GTF2A1: variants seen among roughly 807,000 people sequenced by gnomAD.
GTF2A1 encodes the protein transcription initiation factor IIA subunit 1.
A neutral mutation model predicts 54.1 loss-of-function variants in GTF2A1; 12 were observed. The observed-to-expected ratio is 0.22, with a 90% CI of 0.14 to 0.36. GTF2A1 has a LOEUF of 0.36. Among genes scored for constraint, GTF2A1 ranks in the 10% least tolerant of loss-of-function variants. GTF2A1 has a pLI of 1.00. For missense variants in GTF2A1, 335 were observed against 442.2 expected, an observed-to-expected ratio of 0.76 and a Z score of 2.17; for synonymous variants, 145 against 152.0, an observed-to-expected ratio of 0.95 and a Z score of 0.34.
In GTF2A1 at chr14:81,192,483, A is replaced by C. The variant is rs759553505; in HGVS notation, c.933+36T>G. 11 of 1,470,328 alleles carry C rather than the reference A, an allele frequency of 7.5e-6. No individual in the cohort carries two copies. The East Asian group carries it at 2.3e-4, about 30-fold the overall frequency. 91.1% of individuals were successfully genotyped at this position (1,470,328 alleles called of 1,614,324 possible). On this transcript the variant is annotated intron_variant, in intron 7 of 8. Transcript: ENST00000553612. Reference sequence around the variant, plus strand: ...GTACCAACTAAAAAAGGAAATAATCAAGTAGATTATTTTAAGTATGTTACT... The same window carrying C: ...GTACCAACTAAAAAAGGAAATAATCCAGTAGATTATTTTAAGTATGTTACT...
chr14:81,200,036 C>T (rs955889953), intron 4 of GTF2A1, among the ~76,000 whole-genome samples: 4 of 151,562 alleles, frequency 2.6e-5, no homozygotes, highest in African/African-American at 9.7e-5. Flanking sequence ...TGAGAAATAA[C>T]AGGCATGAAA....
chr14:81,207,841 T>C (rs1434709331), intron 2 of GTF2A1, among the ~76,000 whole-genome samples: 1 of 152,218 alleles, frequency 6.6e-6, no homozygotes, highest in Non-Finnish European at 1.5e-5. Context: ...GAGAGATTTG[T>C]GGAACTTTGA....
intron 1 of GTF2A1, among the ~76,000 whole-genome samples, 179 bp downstream of exon 1, chr14:81,220,310 C>A (rs1270189609): frequency 2.1e-5 from 3 of 145,544 alleles, no homozygotes; most frequent in Non-Finnish European, 3.1e-5. Context: ...GGCGCCCCCC[C>A]GCGCCCGCCG....
In GTF2A1 at chr14:81,204,164, A is replaced by G. The variant is rs1893178365; in HGVS notation, c.133-60T>C. ...AAATAACTCTGGACAGATGAATACA[A>G]CAGTTTTATTAATCTCTTTATAAAG... On this transcript the variant is annotated intron_variant, in intron 2 of 8. Coordinates refer to ENST00000553612, the MANE Select transcript of GTF2A1 (RefSeq NM_015859.4). 3.8e-6 allele frequency: 4 copies of G among 1,042,752 alleles called. No individual in the cohort carries two copies. The South Asian group carries it at 5.0e-5, about 13-fold the overall frequency. 64.6% of individuals were successfully genotyped at this position (1,042,752 alleles called of 1,614,324 possible).
chr14:81,220,389 G>T, intron 1 of GTF2A1, 100 bp downstream of exon 1: 1 of 660,282 alleles, frequency 1.5e-6, no homozygotes, highest in Non-Finnish European at 2.2e-6. Context: ...GGCGGCTGAA[G>T]AGTCGAGGCC....
intron 2 of GTF2A1, among the ~76,000 whole-genome samples, chr14:81,204,866 C>T (rs1893195531): frequency 6.6e-6 from 1 of 152,196 alleles, no homozygotes; most frequent in Non-Finnish European, 1.5e-5. Flanking sequence ...CTACCTAACA[C>T]ATTTCCTCTC....
chr14:81,184,649 T>G (rs1325108538), intron 8 of GTF2A1, among the ~76,000 whole-genome samples: 1 of 152,186 alleles, frequency 6.6e-6, no homozygotes, highest in Non-Finnish European at 1.5e-5. Flanking sequence ...AATTAAGATT[T>G]TCTTCATCTA....
chr14:81,185,970 A>G (rs894115033), intron 7 of GTF2A1, among the ~76,000 whole-genome samples: 2 of 152,150 alleles, frequency 1.3e-5, no homozygotes, highest in African/African-American at 4.8e-5. Context: ...CTCCTGCCTC[A>G]GCCTCCCCAG....
chr14:81,196,308 A>G, intron 5 of GTF2A1, 67 bp from the exon 6 acceptor site: 1 of 1,505,936 alleles, frequency 6.6e-7, no homozygotes, highest in Non-Finnish European at 9.2e-7. Flanking sequence ...AAATGAATTC[A>G]TATTTAATTT....
chr14:81,203,574 T>A (rs1412050683), intron 3 of GTF2A1, among the ~76,000 whole-genome samples: 2 of 152,192 alleles, frequency 1.3e-5, no homozygotes, highest in African/African-American at 4.8e-5. Context: ...ACTTAGGAAA[T>A]CCATCACTAT....
At chr14:81,200,689 A>C (rs1397994225) in intron 4 of GTF2A1, among the ~76,000 whole-genome samples, 1 of 151,968 alleles carries the variant, frequency 6.6e-6, no homozygotes, top group Non-Finnish European at 1.5e-5. Flanking sequence ...CTAACTAGTT[A>C]CATAGGTTAA....
rs145597318 is a variant in GTF2A1 at position 81,216,545 on chromosome 14, G to A, written c.31-31C>T. The A allele has an allele frequency of 1.6e-3, 1,643 of 1,018,344 alleles. 20 individuals carry two copies. In the African/African-American group the frequency reaches 0.022, roughly 14 times the overall value. 63.1% of individuals were successfully genotyped at this position (1,018,344 alleles called of 1,614,324 possible). On this transcript the variant is annotated intron_variant, in intron 1 of 8. Transcript: ENST00000553612. Reference sequence around the variant, plus strand: ...AAGGAAAAATAAAAGACTTGAAAAAGACAGTTTTTCACAGCTTATAATGTA... The same window carrying A: ...AAGGAAAAATAAAAGACTTGAAAAAAACAGTTTTTCACAGCTTATAATGTA...
chr14:81,186,969 AAATT>A (rs1039552692), intron 7 of GTF2A1, among the ~76,000 whole-genome samples: 12 of 151,974 alleles, frequency 7.9e-5, no homozygotes, highest in Non-Finnish European at 1.5e-5. Flanking sequence ...CAAAAAAAAA[AAATT>A]ATTATGTCTA....
chr14:81,214,814 G>A (rs1382677631), intron 2 of GTF2A1, among the ~76,000 whole-genome samples: 1 of 152,026 alleles, frequency 6.6e-6, no homozygotes, highest in Non-Finnish European at 1.5e-5. Flanking sequence ...TCTGAAAATA[G>A]CCATATTTTA....
At position 81,176,110 on chromosome 14, in the gene GTF2A1, G is replaced by A. The variant is rs1440944573; in HGVS notation, c.*4113C>T. 1 of 151,986 alleles carries A rather than the reference G, an allele frequency of 6.6e-6. No homozygotes were observed. The highest frequency in any genetic ancestry group is 1.9e-4 in the East Asian group (1 of 5,202). 9.4% of individuals were successfully genotyped at this position (151,986 alleles called of 1,614,324 possible). A position where few individuals can be genotyped will look rare whatever the true frequency, so the allele number is the denominator to read the frequency against. ...ATTTTATTCAATTATCTATAACAAT[G>A]CCATATACTAGTAAGCAAAGCAAGC... On this transcript the variant is annotated 3_prime_UTR_variant, in exon 9 of 9. Transcript: ENST00000553612.
intron 2 of GTF2A1, among the ~76,000 whole-genome samples, chr14:81,214,230 C>T (rs1238723287): frequency 6.6e-6 from 1 of 152,196 alleles, no homozygotes; most frequent in Non-Finnish European, 1.5e-5. Flanking sequence ...GAGACCACAA[C>T]AAATGTTCCT....
chr14:81,192,865 A>G, intron 6 of GTF2A1, 26 bp from the exon 7 acceptor site: 1 of 1,308,200 alleles, frequency 7.6e-7, no homozygotes, highest in Non-Finnish European at 1.1e-6. Flanking sequence ...ACCACATAAC[A>G]GTAACTAGTT....
chr14:81,220,564 G>T lies in GTF2A1; in HGVS notation c.-46C>A. The T allele has an allele frequency of 4.3e-6, 6 of 1,401,210 alleles. No homozygotes were observed. The highest frequency in any genetic ancestry group is 5.8e-6 in the Non-Finnish European group (6 of 1,040,764). 86.8% of individuals were successfully genotyped at this position (1,401,210 alleles called of 1,614,324 possible). ...AGAGGGGGCAACCCCAAGAAAACAA[G>T]ATAAAAACAAAACCAAAAAAAAAAA... is the stretch of plus-strand genomic sequence containing the variant. On this transcript the variant is annotated 5_prime_UTR_variant, in exon 1 of 9. Coordinates refer to ENST00000553612, the MANE Select transcript of GTF2A1 (RefSeq NM_015859.4).
At chr14:81,193,510 T>G (rs545653158) in intron 6 of GTF2A1, among the ~76,000 whole-genome samples, 1 of 152,286 alleles carries the variant, frequency 6.6e-6, no homozygotes, top group South Asian at 2.1e-4. Context: ...CAGACGCAAG[T>G]CATTTAACTC....
Sources: gnomAD v4.1 joint callset for allele counts (sites outside exome capture counted in the v4.1 genomes callset) on GRCh38, gnomAD v4.1.1 for gene constraint, MANE v1.5 for transcripts, NCBI Gene and HGNC (gene_info 2026-07-23, HGNC 2026-07-21) for gene names.